The following BTBD3 variants were observed in gnomAD, a reference collection of about 807,000 sequenced individuals.
BTBD3 encodes BTB/POZ domain-containing protein 3.
A neutral mutation model predicts 41.6 loss-of-function variants in BTBD3; 14 were observed. That is an observed-to-expected ratio of 0.34 (90% CI 0.22 to 0.53). BTBD3 has a LOEUF of 0.53. BTBD3 is among the 20% of genes least tolerant of loss of function. The pLI is 0.95. For missense variants in BTBD3, 426 were observed against 654.7 expected, an observed-to-expected ratio of 0.65 and a Z score of 3.81; for synonymous variants, 249 against 233.7, an observed-to-expected ratio of 1.07 and a Z score of -0.60.
At chr20:11,921,503 G>C (rs1180651413) in intron 3 of BTBD3, 1 of 152,186 alleles carries the variant, frequency 6.6e-6, no homozygotes, top group East Asian at 1.9e-4. Flanking sequence ...GACAGTTCCA[G>C]GGTAAGAGCT....
At position 11,923,112 on chromosome 20, in the gene BTBD3, G is replaced by A. The variant is rs1183175667; in HGVS notation, c.1015G>A (p.Val339Ile). 1.9e-6 allele frequency: 3 copies of A among 1,613,898 alleles called. No individual in the cohort carries two copies. The highest frequency in any genetic ancestry group is 4.5e-5 in the East Asian group (2 of 44,892). ...TGCAAATGGTGCTGCACAGTCCGGGGTATTAACTCTCAATGAGACCAACGA... is the reference window on the plus strand; with the variant it reads ...TGCAAATGGTGCTGCACAGTCCGGGATATTAACTCTCAATGAGACCAACGA... ...DFANGAAQSG[V>I]LTLNETNDIF... Residue 339 changes from valine (V) to isoleucine (I), a missense_variant, in exon 4 of 4, where the codon GTA (valine) becomes ATA (isoleucine). Val to Ile is a conservative substitution (Grantham distance 29, BLOSUM62 3). Transcript: ENST00000378226. This position sits in a 1 kb window ranked among gnomAD's most constrained non-coding sequence, Gnocchi z 5.3.
chr20:11,894,015 A>G (rs2056771795), intron 1 of BTBD3, among the ~76,000 whole-genome samples: 1 of 152,096 alleles, frequency 6.6e-6, no homozygotes, highest in South Asian at 2.1e-4. Context: ...TATTATTTTT[A>G]GTTTTAGTGG....
intron 1 of BTBD3, chr20:11,891,001 C>T: frequency 1.0e-6 from 1 of 978,580 alleles, no homozygotes; most frequent in Non-Finnish European, 1.2e-6. Flanking sequence ...TCCGCGCGTG[C>T]GCAGCGCGGG....
chr20:11,923,339 C>T lies in BTBD3; in HGVS notation c.1242C>T (p.Gly414=), dbSNP rs1238763715. 5 of 1,614,212 alleles carry T rather than the reference C, an allele frequency of 3.1e-6. No homozygotes were observed. The highest frequency in any genetic ancestry group is 4.2e-6 in the Non-Finnish European group (5 of 1,180,044). The change falls in exon 4 of 4, where the codon GGC becomes GGT. Residue 414 remains glycine, a synonymous_variant. Transcript: ENST00000378226. This position sits in a 1 kb window ranked among gnomAD's most constrained non-coding sequence, Gnocchi z 5.3. The stretch of plus-strand genomic sequence containing the variant: ...TCATTGCTGGCTTTGGGCTGTATGG[C>T]TCCAGCTGTGGTTCTGCAGAATACA... ...RVFIAGFGLY[G]SSCGSAEYSA... is the part of the protein sequence containing the mutation.
chr20:11,912,318 C>T (rs922319167), intron 1 of BTBD3, among the ~76,000 whole-genome samples: 1 of 152,190 alleles, frequency 6.6e-6, no homozygotes, highest in Non-Finnish European at 1.5e-5. Flanking sequence ...AACAGGTGGC[C>T]TCATGGAGGT....
rs2056942888 is a variant in BTBD3 at position 11,919,106 on chromosome 20, A to G, written c.347A>G (p.Asn116Ser). The change falls in exon 2 of 4, where the codon AAT becomes AGT. Residue 116 changes from asparagine (N) to serine (S), a missense_variant. Physicochemically the swap from Asn to Ser is conservative, Grantham distance 46. This residue lies in a region of BTBD3 where 321 missense variants were observed against 534.8 expected (regional missense o/e 0.60). Transcript: ENST00000378226. ...IRERNAMMFNNDLMADVHFVV... is the reference protein window; with the variant it reads ...IRERNAMMFNSDLMADVHFVV... ...TATAGAAATGCGATGATGTTCAATA[A>G]TGATTTGATGGCAGATGTACATTTT... 1 of 1,613,524 alleles carries G rather than the reference A, an allele frequency of 6.2e-7. No homozygotes were observed. Among genetic ancestry groups the G allele is most frequent in the African/African-American group, 1.3e-5 (1 of 74,896 alleles).
At chr20:11,899,622 A>G (rs1393687200) in intron 1 of BTBD3, among the ~76,000 whole-genome samples, 1 of 151,894 alleles carries the variant, frequency 6.6e-6, no homozygotes, top group Non-Finnish European at 1.5e-5. Flanking sequence ...TTTGTTACAT[A>G]GGTAAATGTG....
chr20:11,893,609 T>C (rs1207028790), intron 1 of BTBD3, among the ~76,000 whole-genome samples: 2 of 152,276 alleles, frequency 1.3e-5, no homozygotes, highest in Admixed American at 6.5e-5. Flanking sequence ...TGTACATTTA[T>C]CGACATGTCC....
At chr20:11,892,633 G>A (rs2056762262) in intron 1 of BTBD3, 1 of 152,276 alleles carries the variant, frequency 6.6e-6, no homozygotes, top group Non-Finnish European at 1.5e-5. Flanking sequence ...ATTACTAGCA[G>A]CCATGTTCTT....
intron 1 of BTBD3, chr20:11,890,991 T>G (rs1225516275): frequency 1.6e-5 from 16 of 980,014 alleles, no homozygotes; most frequent in Non-Finnish European, 1.8e-5. Flanking sequence ...GGTCGGCGCC[T>G]CCGCGCGTGC....
At chr20:11,905,920 A>T (rs747628018) in intron 1 of BTBD3, among the ~76,000 whole-genome samples, 2 of 152,190 alleles carry the variant, frequency 1.3e-5, no homozygotes, top group Non-Finnish European at 1.5e-5. Flanking sequence ...GCAAGTCAGA[A>T]CTGCTTAAAA....
At chr20:11,901,561 T>C (rs997770380) in intron 1 of BTBD3, among the ~76,000 whole-genome samples, 3 of 152,254 alleles carry the variant, frequency 2.0e-5, no homozygotes, top group Non-Finnish European at 4.4e-5. Flanking sequence ...GTAGATTGTC[T>C]AGTTAATTTA....
intron 1 of BTBD3, chr20:11,891,187 G>T (rs963896596): frequency 1.4e-4 from 23 of 161,460 alleles, no homozygotes; most frequent in South Asian, 4.0e-4. Flanking sequence ...AGGGGGGGGG[G>T]GTCCCAGTGG....
chr20:11,908,882 A>C (rs1325445536), intron 1 of BTBD3, among the ~76,000 whole-genome samples: 3 of 152,206 alleles, frequency 2.0e-5, no homozygotes, highest in South Asian at 2.1e-4. Flanking sequence ...CAACATTTAA[A>C]GTATACTGTG....
Position 11,922,772 on chromosome 20 carries a change from C to G in BTBD3, c.675C>G (p.Ala225=). ...FLETSLSAKN[A]CVLLSQSCLF... is the part of the protein sequence containing the mutation. ...AGACCAGCCTGAGTGCCAAGAATGC[C>G]TGTGTGCTCCTCTCCCAGAGCTGCC... is the stretch of plus-strand genomic sequence containing the variant. Residue 225 remains alanine, a synonymous_variant, in exon 4 of 4, where the codon GCC becomes GCG. Transcript: ENST00000378226. The G allele has an allele frequency of 1.2e-6, 2 of 1,614,206 alleles. No homozygotes were observed. The highest frequency in any genetic ancestry group is 1.7e-6 in the Non-Finnish European group (2 of 1,180,032).
At chr20:11,909,771 C>G (rs1259682961) in intron 1 of BTBD3, 1 of 149,378 alleles carries the variant, frequency 6.7e-6, no homozygotes, top group Non-Finnish European at 1.5e-5. Flanking sequence ...TTTTGCAAAA[C>G]AAAACAAAAC....
At chr20:11,917,275 G>C (rs552370017), upstream of BTBD3, among the ~76,000 whole-genome samples, 5 of 152,096 alleles carry the variant, frequency 3.3e-5, no homozygotes, top group Admixed American at 2.0e-4. Context: ...TAGGTGTACG[G>C]GTATAATCTT....
chr20:11,922,561 G>GC, intron 3 of BTBD3, 73 bp from the exon 4 acceptor site: 1 of 1,367,290 alleles, frequency 7.3e-7, no homozygotes, highest in East Asian at 2.3e-5. Context: ...AAACTTGAAA[G>GC]TGGTTGTATC....
chr20:11,898,350 A>G (rs144270895), intron 1 of BTBD3, among the ~76,000 whole-genome samples: 1 of 151,772 alleles, frequency 6.6e-6, no homozygotes, highest in East Asian at 1.9e-4. Context: ...TCTGCCTATA[A>G]TATTTATCCT....
Sources: allele counts gnomAD v4.1 joint callset (sites outside exome capture counted in the v4.1 genomes callset), GRCh38; gene constraint gnomAD v4.1.1; regional missense constraint gnomAD v4.1.1; non-coding constraint Gnocchi (gnomAD v3.1); transcripts MANE v1.5; gene names NCBI Gene and HGNC (gene_info 2026-07-23, HGNC 2026-07-21).